Variants in CAST observed in about 807,000 individuals in gnomAD.
CAST encodes the protein calpastatin, also known as MIR583 host.
Under a neutral mutation model 119.6 loss-of-function variants are expected in CAST, and 76 were observed. That is an observed-to-expected ratio of 0.64 (90% confidence interval 0.53 to 0.77). The LOEUF (loss-of-function observed/expected upper bound fraction) is 0.77, where lower values mean the gene tolerates loss of function less well. Among genes scored for constraint, CAST ranks in the 30% least tolerant of loss-of-function variants. The pLI, the probability that CAST is intolerant of heterozygous loss-of-function variation, is 0.00. For synonymous variants in CAST, 319 were observed against 331.6 expected (o/e 0.96, Z 0.41); for missense variants, 953 against 946.5 (o/e 1.01, Z -0.09).
In CAST at chr5:96,572,546, T is replaced by C. The variant is rs115979696; in HGVS notation, c.60+42666T>C. On this transcript the variant is annotated intron_variant, in intron 1 of 11. Transcript: ENST00000505143. The stretch of plus-strand genomic sequence containing the variant: ...AACACTTCACTTTGTGCAAAAGCTA[T>C]AGGTCAGGCTAGTTTAATATCCTTC... 5.1e-3 allele frequency among the ~76,000 whole-genome samples: 774 copies of C among 152,296 alleles called. 13 individuals carry two copies. Among genetic ancestry groups the C allele is most frequent in the African/African-American group, 0.018 (737 of 41,556 alleles).
At chr5:96,468,855 C>T in the CAST span, among the ~76,000 whole-genome samples, 2 of 151,990 alleles carry the variant, frequency 1.3e-5, no homozygotes, top group African/African-American at 4.8e-5. Context: ...TGTATCTTTC[C>T]ACTGGCCTTC....
chr5:96,648,722 G>GTGTGTC (rs1748055044), intron 1 of CAST, among the ~76,000 whole-genome samples: 3 of 132,184 alleles, frequency 2.3e-5, no homozygotes, highest in Non-Finnish European at 5.3e-5. Context: ...ATATGCGTGT[G>GTGTGTC]TGTGTGTGTG....
intron 6 of CAST, 63 bp downstream of exon 6, chr5:96,727,593 C>A: frequency 9.3e-7 from 1 of 1,080,918 alleles, no homozygotes; most frequent in Non-Finnish European, 1.4e-6. Flanking sequence ...GAATAATCAA[C>A]TTCCTGCCTT....
In CAST at chr5:96,671,624, T is replaced by C. The variant is rs114275620; in HGVS notation, c.76-3915T>C. Among the ~76,000 whole-genome samples, 445 of 152,308 alleles carry C rather than the reference T, an allele frequency of 2.9e-3. 3 individuals are homozygous for C. Among genetic ancestry groups the C allele is most frequent in the African/African-American group, 0.01 (433 of 41,566 alleles). On this transcript the variant is annotated intron_variant, in intron 1 of 31. Transcript: ENST00000675179. ...GCTATGGGTAGCAAAGAAGACCACA[T>C]AGGAGATGCCTGGCACTGGGCCTAG...
the CAST span, among the ~76,000 whole-genome samples, chr5:96,131,201 A>G: frequency 2.0e-5 from 3 of 152,142 alleles, no homozygotes; most frequent in African/African-American, 7.2e-5. Context: ...GCAGTTACTA[A>G]AAAGAGTATA....
intron 18 of CAST, among the ~76,000 whole-genome samples, chr5:96,748,151 T>G (rs185391809): frequency 6.6e-6 from 1 of 152,326 alleles, no homozygotes; most frequent in African/African-American, 2.4e-5. Flanking sequence ...TTTGACTTAT[T>G]CAGAAGAGAA....
At chr5:96,556,878 G>A (rs928868001) in intron 1 of CAST, among the ~76,000 whole-genome samples, 9 of 152,086 alleles carry the variant, frequency 5.9e-5, no homozygotes, top group African/African-American at 9.7e-5. Flanking sequence ...GATACTCCTC[G>A]AGAAGAGCAA....
chr5:96,649,987 C>T (rs916546405), intron 1 of CAST, among the ~76,000 whole-genome samples: 19 of 152,292 alleles, frequency 1.2e-4, no homozygotes, highest in African/African-American at 4.6e-4. Flanking sequence ...CTTATAGCAA[C>T]CTCATAAGTT....
the CAST span, among the ~76,000 whole-genome samples, chr5:96,461,884 G>C: frequency 6.6e-6 from 1 of 152,102 alleles, no homozygotes; most frequent in Non-Finnish European, 1.5e-5. Context: ...GTAGATCAGT[G>C]CTCCATTTGC....
At chr5:96,359,004 A>G in the CAST span, among the ~76,000 whole-genome samples, 3 of 152,136 alleles carry the variant, frequency 2.0e-5, no homozygotes, top group Non-Finnish European at 4.4e-5. Context: ...AACTTGCTTT[A>G]TGAATCTGGG....
At chr5:96,575,478 G>A (rs780872475) in intron 1 of CAST, among the ~76,000 whole-genome samples, 12 of 151,984 alleles carry the variant, frequency 7.9e-5, no homozygotes, top group Non-Finnish European at 1.2e-4. Flanking sequence ...CCTTGTTACC[G>A]ATCTTGGGGG....
chr5:96,036,413 A>G, the CAST span, among the ~76,000 whole-genome samples: 2 of 152,142 alleles, frequency 1.3e-5, no homozygotes, highest in Non-Finnish European at 1.5e-5. Flanking sequence ...CCTCTATATT[A>G]TACATATCCC....
the CAST span, among the ~76,000 whole-genome samples, chr5:96,045,772 T>A: frequency 6.6e-6 from 1 of 152,162 alleles, no homozygotes; most frequent in Admixed American, 6.5e-5. Context: ...GGTCTAACTT[T>A]AGGGTTTTTA....
upstream of CAST, among the ~76,000 whole-genome samples, chr5:96,528,078 A>G (rs1580811213): frequency 1.3e-5 from 2 of 152,338 alleles, no homozygotes; most frequent in East Asian, 3.9e-4. Flanking sequence ...CACAAAGACA[A>G]TTAAGTTTCT....
At chr5:96,396,718 A>G in the CAST span, among the ~76,000 whole-genome samples, 1 of 152,228 alleles carries the variant, frequency 6.6e-6, no homozygotes, top group African/African-American at 2.4e-5. Context: ...TAATTAAGCT[A>G]TATTTGGCTT....
chr5:96,483,440 C>A, the CAST span, among the ~76,000 whole-genome samples: 1 of 152,102 alleles, frequency 6.6e-6, no homozygotes. Context: ...AGAGTAAATT[C>A]ACACTGTATT....
intron 1 of CAST, among the ~76,000 whole-genome samples, chr5:96,555,234 G>A (rs1174264902): frequency 6.6e-6 from 1 of 152,208 alleles, no homozygotes; most frequent in Non-Finnish European, 1.5e-5. Context: ...AAAAATGGAT[G>A]AGTTCGGAGG....
At chr5:96,408,947 A>G in the CAST span, among the ~76,000 whole-genome samples, 5 of 152,228 alleles carry the variant, frequency 3.3e-5, no homozygotes, top group African/African-American at 1.2e-4. Flanking sequence ...TCTGGGTTCA[A>G]ATTCTCTAAC....
chr5:95,961,955 G>T, the CAST span: 1 of 456,400 alleles, frequency 2.2e-6, no homozygotes, highest in Admixed American at 4.4e-5. Context: ...CTTCAGAACC[G>T]CCCTCATCGG....
Sources: allele counts gnomAD v4.1 joint callset (sites outside exome capture counted in the v4.1 genomes callset), GRCh38; gene constraint gnomAD v4.1.1; transcripts MANE v1.5; gene names NCBI Gene and HGNC (gene_info 2026-07-23, HGNC 2026-07-21).